SLC13A3: variants seen among roughly 807,000 people sequenced by gnomAD.
SLC13A3 encodes solute carrier family 13 member 3.
A neutral mutation model predicts 59.0 loss-of-function variants in SLC13A3; 40 were observed. The ratio of observed to expected loss-of-function variants is 0.68; its 90% CI spans 0.53 to 0.88. The LOEUF (loss-of-function observed/expected upper bound fraction) is 0.88. SLC13A3 is among the 40% of genes least tolerant of loss of function. SLC13A3 has a pLI of 0.00. For missense variants in SLC13A3, 699 were observed against 783.2 expected (o/e 0.89, Z 1.28); for synonymous variants, 317 against 330.3 (o/e 0.96, Z 0.44).
chr20:46,632,900 G>GCTCTTT (rs2062755205), intron 1 of SLC13A3, among the ~76,000 whole-genome samples: 1 of 4,986 alleles, frequency 2.0e-4, no homozygotes, highest in Non-Finnish European at 4.3e-4. Context: ...TAGATAGATA[G>GCTCTTT]ATAGATAGAT....
rs1372803016 is a variant in SLC13A3 at position 46,575,563 on chromosome 20, G to A, written c.1332+10C>T. 1.3e-6 allele frequency: 2 copies of A among 1,542,840 alleles called. No individual in the cohort carries two copies. Among genetic ancestry groups the A allele is most frequent in the Non-Finnish European group, 8.8e-7 (1 of 1,132,078 alleles). ...TGTTCCTGCTGGTTGGGGGAGCCAG[G>A]GGGTCTTACCTCACAGCCTTTGGCC... is the stretch of plus-strand genomic sequence containing the variant. On this transcript the variant is annotated intron_variant, in intron 10 of 12. Coordinates refer to ENST00000279027, the MANE Select transcript of SLC13A3 (RefSeq NM_022829.6).
chr20:46,649,657 C>G (rs140532936), intron 1 of SLC13A3, among the ~76,000 whole-genome samples: 1 of 152,136 alleles, frequency 6.6e-6, no homozygotes, highest in Non-Finnish European at 1.5e-5. Context: ...GCGGTGTAAT[C>G]GCTCCACTTA....
At chr20:46,652,187 T>C (rs1240555129), upstream of SLC13A3, among the ~76,000 whole-genome samples, 1 of 152,128 alleles carries the variant, frequency 6.6e-6, no homozygotes, top group Non-Finnish European at 1.5e-5. Context: ...CAAATCCCCA[T>C]GACACAAGTT....
At chr20:46,577,486 T>C (rs2062091110) in intron 9 of SLC13A3, among the ~76,000 whole-genome samples, 1 of 152,156 alleles carries the variant, frequency 6.6e-6, no homozygotes, top group Non-Finnish European at 1.5e-5. Flanking sequence ...ACAAGAAGTC[T>C]GAAAAAGTGA....
chr20:46,608,825 A>G (rs2122734999), intron 3 of SLC13A3: 1 of 1,502,406 alleles, frequency 6.7e-7, no homozygotes, highest in Non-Finnish European at 8.9e-7. Flanking sequence ...TAAATGATCC[A>G]AAGCCACAGG....
chr20:46,583,760 A>G (rs1434323607), intron 8 of SLC13A3, 91 bp from the exon 9 acceptor site: 1 of 1,549,232 alleles, frequency 6.5e-7, no homozygotes, highest in African/African-American at 1.4e-5. Context: ...GTGGAAGGGA[A>G]TTAGGCCTGC....
At chr20:46,560,882 T>C (rs2061924993) in intron 12 of SLC13A3, among the ~76,000 whole-genome samples, 1 of 152,222 alleles carries the variant, frequency 6.6e-6, no homozygotes, top group Admixed American at 6.5e-5. Flanking sequence ...TGCCCCGCCT[T>C]CACATAGCCC....
rs992275435 is a variant in SLC13A3 at position 46,600,328 on chromosome 20, G to A, written c.542-291C>T. On this transcript the variant is annotated intron_variant, in intron 3 of 12. Coordinates refer to ENST00000279027, the MANE Select transcript of SLC13A3 (RefSeq NM_022829.6). ...GAAAGAAAGAGGGAAGGAAGGAAAG[G>A]AAGGAAGGAAGGAAAGGAAAAGAAA... 6.9e-4 allele frequency among the ~76,000 whole-genome samples: 80 copies of A among 115,430 alleles called. 2 individuals carry two copies. The highest frequency in any genetic ancestry group is 1.1e-3 in the East Asian group (4 of 3,538). 75.7% of individuals were successfully genotyped at this position (115,430 alleles called of 152,430 possible).
intron 3 of SLC13A3, among the ~76,000 whole-genome samples, chr20:46,606,376 A>G (rs372369974): frequency 3.9e-5 from 6 of 152,348 alleles, no homozygotes; most frequent in African/African-American, 1.4e-4. Context: ...AGATGAGGAA[A>G]GTTGCAGAAG....
chr20:46,640,950 G>C (rs951194719), intron 1 of SLC13A3, among the ~76,000 whole-genome samples: 1 of 152,144 alleles, frequency 6.6e-6, no homozygotes, highest in Non-Finnish European at 1.5e-5. Flanking sequence ...CAGGAGCTCC[G>C]GGAAAGTGGA....
chr20:46,627,613 T>G (rs530415327), intron 1 of SLC13A3, among the ~76,000 whole-genome samples: 2 of 148,818 alleles, frequency 1.3e-5, no homozygotes, highest in African/African-American at 4.9e-5. Context: ...AAAAGGAAAC[T>G]GTGGGCCAAT....
intron 3 of SLC13A3, among the ~76,000 whole-genome samples, chr20:46,606,367 G>A (rs970875015): frequency 6.6e-6 from 1 of 152,208 alleles, no homozygotes; most frequent in Admixed American, 6.5e-5. Context: ...TTGTTTTATA[G>A]ATGAGGAAAG....
At chr20:46,576,366 T>A (rs1170815437) in intron 9 of SLC13A3, among the ~76,000 whole-genome samples, 1 of 152,126 alleles carries the variant, frequency 6.6e-6, no homozygotes. Context: ...TAGTGTGACA[T>A]CCCTGGGTTG....
intron 1 of SLC13A3, among the ~76,000 whole-genome samples, chr20:46,621,059 G>T (rs909622444): frequency 3.2e-4 from 49 of 152,224 alleles, no homozygotes; most frequent in Admixed American, 2.6e-4. Context: ...AAAGGTCATG[G>T]CAACATTTTT....
chr20:46,603,737 TTTTGA>T (rs2062406017), intron 3 of SLC13A3, among the ~76,000 whole-genome samples: 2 of 152,014 alleles, frequency 1.3e-5, no homozygotes, highest in African/African-American at 4.8e-5. Context: ...ATTTTTCTGC[TTTTGA>T]TTTATTTCAA....
chr20:46,620,076 G>A (rs1334331434), intron 1 of SLC13A3, among the ~76,000 whole-genome samples: 2 of 152,150 alleles, frequency 1.3e-5, no homozygotes, highest in Admixed American at 1.3e-4. Flanking sequence ...AACTTAATGT[G>A]TGTGCTTTCA....
intron 6 of SLC13A3, among the ~76,000 whole-genome samples, chr20:46,590,556 C>T (rs1211253999): frequency 6.6e-6 from 1 of 152,092 alleles, no homozygotes; most frequent in African/African-American, 2.4e-5. Flanking sequence ...TACCTATGAA[C>T]AAACTTTTCA....
chr20:46,595,636 T>G (rs375047822), intron 5 of SLC13A3, among the ~76,000 whole-genome samples: 1 of 152,222 alleles, frequency 6.6e-6, no homozygotes, highest in Non-Finnish European at 1.5e-5. Flanking sequence ...CTTACCGCTA[T>G]AACCTTTTGT....
At chr20:46,600,691 G>A (rs920975963) in intron 3 of SLC13A3, 2 of 380,242 alleles carry the variant, frequency 5.3e-6, no homozygotes, top group Non-Finnish European at 1.2e-5. Context: ...CATCCAAAAA[G>A]TATTTATTGA....
Sources: allele counts gnomAD v4.1 joint callset (sites outside exome capture counted in the v4.1 genomes callset), GRCh38; gene constraint gnomAD v4.1.1; transcripts MANE v1.5; gene names NCBI Gene and HGNC (gene_info 2026-07-23, HGNC 2026-07-21).